RFX3: variants seen among roughly 807,000 people sequenced by gnomAD.
RFX3 encodes transcription factor RFX3.
A neutral mutation model predicts 98.6 loss-of-function variants in RFX3; 14 were observed. The observed-to-expected ratio is 0.14, with a 90% CI of 0.09 to 0.22. RFX3 has a LOEUF of 0.22. Among genes scored for constraint, RFX3 ranks in the 10% least tolerant of loss-of-function variants. The pLI is 1.00. For missense variants in RFX3, 639 were observed against 926.9 expected, an observed-to-expected ratio of 0.69 and a Z score of 4.03; for synonymous variants, 383 against 328.4, an observed-to-expected ratio of 1.17 and a Z score of -1.80.
intron 1 of RFX3, among the ~76,000 whole-genome samples, chr9:3,512,743 T>C (rs977836663): frequency 7.2e-5 from 11 of 152,066 alleles, no homozygotes; most frequent in Non-Finnish European, 1.5e-4. Flanking sequence ...CCTTGGGTCC[T>C]CCCATTAGGT....
intron 4 of RFX3, among the ~76,000 whole-genome samples, chr9:3,319,692 G>A (rs1831030630): frequency 6.6e-6 from 1 of 152,084 alleles, no homozygotes; most frequent in Admixed American, 6.6e-5. Context: ...AAAGAAGTCT[G>A]GAGGCTATTT....
chr9:3,346,522 A>G, intron 3 of RFX3, 145 bp downstream of exon 3: 1 of 596,446 alleles, frequency 1.7e-6, no homozygotes. Flanking sequence ...CAAAAGCTCT[A>G]AACATCAGCT....
intron 6 of RFX3, among the ~76,000 whole-genome samples, chr9:3,291,862 T>C (rs1456258111): frequency 2.6e-5 from 4 of 151,642 alleles, no homozygotes; most frequent in Non-Finnish European, 5.9e-5. Context: ...ATGGAGACCA[T>C]CTGGACTAAC....
chr9:3,402,649 G>T (rs1841582060), intron 1 of RFX3, among the ~76,000 whole-genome samples: 1 of 151,536 alleles, frequency 6.6e-6, no homozygotes, highest in Non-Finnish European at 1.5e-5. Context: ...AAGTTCTGCA[G>T]CATTTATATT....
At chr9:3,524,688 T>C in intron 1 of RFX3, 1 of 885,866 alleles carries the variant, frequency 1.1e-6, no homozygotes, top group Non-Finnish European at 1.4e-6. Context: ...TTGTTAACAC[T>C]CTACTGCGGG....
chr9:3,514,684 A>G (rs1817982026), intron 1 of RFX3, among the ~76,000 whole-genome samples: 1 of 152,176 alleles, frequency 6.6e-6, no homozygotes, highest in Non-Finnish European at 1.5e-5. Flanking sequence ...CCTGGGCTCA[A>G]GGGATTCTCC....
chr9:3,232,299 CTT>C (rs781750658), intron 15 of RFX3, among the ~76,000 whole-genome samples: 4 of 152,112 alleles, frequency 2.6e-5, no homozygotes, highest in Non-Finnish European at 5.9e-5. Flanking sequence ...ATACAGTAGG[CTT>C]TCTCTCAAAC....
chr9:3,442,665 G>A (rs546530069), intron 1 of RFX3, among the ~76,000 whole-genome samples: 1 of 152,150 alleles, frequency 6.6e-6, no homozygotes, highest in Non-Finnish European at 1.5e-5. Flanking sequence ...AGGAGAAAAG[G>A]AATGGGGGTA....
intron 1 of RFX3, among the ~76,000 whole-genome samples, chr9:3,445,183 A>T (rs1845938368): frequency 6.6e-6 from 1 of 152,088 alleles, no homozygotes; most frequent in Non-Finnish European, 1.5e-5. Context: ...GAAATCTTCA[A>T]AGATAAACAT....
intron 2 of RFX3, among the ~76,000 whole-genome samples, chr9:3,378,796 T>C (rs936054115): frequency 1.4e-4 from 22 of 152,086 alleles, no homozygotes; most frequent in Non-Finnish European, 2.9e-5. Flanking sequence ...CCTCAGGTGG[T>C]CCGTCTTCCT....
chr9:3,344,731 G>C, intron 3 of RFX3: 1 of 603,046 alleles, frequency 1.7e-6, no homozygotes, highest in Non-Finnish European at 3.0e-6. Flanking sequence ...TGACAACTGG[G>C]TGACCTCTAG....
At chr9:3,309,500 G>C (rs896929044) in intron 4 of RFX3, among the ~76,000 whole-genome samples, 1 of 151,540 alleles carries the variant, frequency 6.6e-6, no homozygotes, top group African/African-American at 2.4e-5. Flanking sequence ...CCTGAGGCTT[G>C]TGCCACATCT....
chr9:3,432,365 G>A (rs1014405341), intron 1 of RFX3, among the ~76,000 whole-genome samples: 4 of 152,202 alleles, frequency 2.6e-5, no homozygotes, highest in East Asian at 1.9e-4. Flanking sequence ...AAGGACTGTC[G>A]ATACTATGGA....
At chr9:3,393,264 G>A (rs568532846) in intron 2 of RFX3, among the ~76,000 whole-genome samples, 2 of 152,082 alleles carry the variant, frequency 1.3e-5, no homozygotes, top group Non-Finnish European at 2.9e-5. Context: ...GGGAGAATGG[G>A]GGAGGTTAAA....
chr9:3,512,686 A>G (rs1267600188), intron 1 of RFX3, among the ~76,000 whole-genome samples: 1 of 152,004 alleles, frequency 6.6e-6, no homozygotes, highest in Non-Finnish European at 1.5e-5. Context: ...TCCAACAAAC[A>G]AAAAAACAAA....
intron 1 of RFX3, among the ~76,000 whole-genome samples, chr9:3,479,082 C>T (rs946795057): frequency 6.6e-6 from 1 of 152,270 alleles, no homozygotes; most frequent in African/African-American, 2.4e-5. Context: ...GCAATACTGC[C>T]AGCTTTTAGC....
intron 2 of RFX3, among the ~76,000 whole-genome samples, chr9:3,382,260 T>C (rs1839274917): frequency 6.6e-6 from 1 of 152,218 alleles, no homozygotes. Flanking sequence ...TATAATCTTT[T>C]AAAGCAACAT....
chr9:3,444,715 A>C (rs1845889227), intron 1 of RFX3, among the ~76,000 whole-genome samples: 1 of 152,244 alleles, frequency 6.6e-6, no homozygotes, highest in Non-Finnish European at 1.5e-5. Flanking sequence ...ACAGCAAGTA[A>C]AATGCTGATT....
intron 1 of RFX3, among the ~76,000 whole-genome samples, chr9:3,437,892 A>T (rs978106264): frequency 6.6e-6 from 1 of 152,052 alleles, no homozygotes; most frequent in Admixed American, 6.6e-5. Flanking sequence ...TTTTTGAAAA[A>T]TATATTCTAC....
Sources: gnomAD v4.1 joint callset for allele counts (sites outside exome capture counted in the v4.1 genomes callset) on GRCh38, gnomAD v4.1.1 for gene constraint, MANE v1.5 for transcripts, NCBI Gene and HGNC (gene_info 2026-07-23, HGNC 2026-07-21) for gene names.